Variants in HERC2 observed in about 807,000 individuals in gnomAD.
HERC2 encodes HECT and RLD domain containing E3 ubiquitin protein ligase 2.
HERC2 carries 102 observed loss-of-function variants against 537.7 expected under a neutral mutation model. The observed-to-expected ratio is 0.19, with a 90% CI of 0.16 to 0.22. The LOEUF (loss-of-function observed/expected upper bound fraction) is 0.22, where lower values mean the gene tolerates loss of function less well. HERC2 is among the 10% of genes least tolerant of loss of function. The pLI is 1.00. For synonymous variants in HERC2, 2,224 were observed against 2,466.2 expected, an observed-to-expected ratio of 0.90 and a Z score of 2.91; for missense variants, 4,236 against 6,198.2, an observed-to-expected ratio of 0.68 and a Z score of 10.63.
At chr15:28,244,851 C>A (rs568055098) in intron 23 of HERC2, among the ~76,000 whole-genome samples, 1 of 152,096 alleles carries the variant, frequency 6.6e-6, no homozygotes, top group African/African-American at 2.4e-5. Flanking sequence ...GTCTAAAACA[C>A]GAGAAGAAAA....
At chr15:28,136,140 T>A (rs1291194891) in intron 78 of HERC2, among the ~76,000 whole-genome samples, 2 of 152,006 alleles carry the variant, frequency 1.3e-5, no homozygotes, top group African/African-American at 2.4e-5. Flanking sequence ...TTTTTTTTTT[T>A]AATCTAAGTG....
At chr15:28,201,415 T>C (rs915513709) in intron 48 of HERC2, 41 bp downstream of exon 48, 7 of 1,289,588 alleles carry the variant, frequency 5.4e-6, no homozygotes, top group Admixed American at 1.7e-5. Context: ...ATTTGCTGAA[T>C]GAAAAACGGA....
intron 6 of HERC2, 87 bp downstream of exon 6, chr15:28,274,818 A>G: frequency 1.0e-6 from 1 of 1,002,894 alleles, no homozygotes; most frequent in Non-Finnish European, 1.6e-6. Flanking sequence ...GATCAGCCAA[A>G]GGGCACATGG....
chr15:28,180,651 T>C (rs1895736523), intron 57 of HERC2, among the ~76,000 whole-genome samples: 1 of 149,948 alleles, frequency 6.7e-6, no homozygotes, highest in African/African-American at 2.5e-5. Context: ...AGTTCCATAG[T>C]AGAAAGTGAA....
At chr15:28,159,979 G>C (rs1417792123) in intron 69 of HERC2, among the ~76,000 whole-genome samples, 4 of 152,218 alleles carry the variant, frequency 2.6e-5, no homozygotes, top group African/African-American at 4.8e-5. Flanking sequence ...AGGTCTGTTG[G>C]AGTTTGCTGG....
intron 48 of HERC2, among the ~76,000 whole-genome samples, chr15:28,200,554 T>C (rs1037035600): frequency 2.0e-5 from 3 of 152,188 alleles, no homozygotes; most frequent in African/African-American, 4.8e-5. Flanking sequence ...TACTGTGTTA[T>C]AGCCAACTGA....
chr15:28,279,891 A>G (rs1223615844), intron 5 of HERC2, 177 bp downstream of exon 5: 1 of 605,038 alleles, frequency 1.7e-6, no homozygotes, highest in East Asian at 2.8e-5. Context: ...CTATTACTAC[A>G]TGAGCAAATT....
At position 28,215,666 on chromosome 15, in the gene HERC2, G is replaced by A. The variant is rs201824814; in HGVS notation, c.6165C>T (p.Val2055=). ...CAGTGAAGGGTGCGTGCCCTTCCAC[G>A]ACCTTCATGAGCAGCGTGATCCACT... ...SPQWITLLMK[V]VEGHAPFTAT... Residue 2055 remains valine (V), a synonymous_variant, in exon 39 of 93, where the codon GTC becomes GTT. Coordinates refer to ENST00000261609, the MANE Select transcript of HERC2 (RefSeq NM_004667.6). 53 of 1,611,868 alleles carry A rather than the reference G, an allele frequency of 3.3e-5. No homozygotes were observed. Among genetic ancestry groups the A allele is most frequent in the South Asian group, 4.4e-5 (4 of 90,970 alleles).
At chr15:28,114,287 T>C (rs73379627) in intron 90 of HERC2, among the ~76,000 whole-genome samples, 11,574 of 152,014 alleles carry the variant, frequency 0.076, 1,523 homozygotes, top group African/African-American at 0.27. Context: ...CTGGAGGGGG[T>C]TGAGACAGCC....
At position 28,143,080 on chromosome 15, in the gene HERC2, C is replaced by T. The variant is rs979688112; in HGVS notation, c.11419-128G>A. On this transcript the variant is annotated intron_variant, in intron 74 of 92. Transcript: ENST00000261609. ...TTCTAAAAAAACTAAAAAAAAAAAGCTTATCAAAATTCTCAAGTAGGAAAA... is the reference window on the plus strand; with the variant it reads ...TTCTAAAAAAACTAAAAAAAAAAAGTTTATCAAAATTCTCAAGTAGGAAAA... 17 of 813,532 alleles carry T rather than the reference C, an allele frequency of 2.1e-5. No individual in the cohort carries two copies. In the African/African-American group the frequency reaches 2.7e-4, roughly 13 times the overall value. The allele number at this position is 813,532 out of a possible 1,614,324, so 50.4% of individuals were successfully genotyped here.
intron 30 of HERC2, 72 bp from the exon 31 acceptor site, chr15:28,230,572 G>A (rs1026952640): frequency 7.1e-5 from 75 of 1,055,964 alleles, no homozygotes; most frequent in African/African-American, 9.7e-5. Flanking sequence ...GAAATACTTA[G>A]ATTTACATGA....
Position 28,111,593 on chromosome 15 carries a change from C to A in HERC2, c.*170G>T. Reference sequence around the variant, plus strand: ...CAGTGTTCCACGCGCACAGGCGGACCTTCTCACTGTCATTCCCATCACGGC... The same window carrying A: ...CAGTGTTCCACGCGCACAGGCGGACATTCTCACTGTCATTCCCATCACGGC... On this transcript the variant is annotated 3_prime_UTR_variant, in exon 93 of 93. Coordinates refer to ENST00000261609, the MANE Select transcript of HERC2 (RefSeq NM_004667.6). 1.5e-6 allele frequency: 1 copy of A among 673,602 alleles called. No individual in the cohort carries two copies. The highest frequency in any genetic ancestry group is 1.8e-5 in the African/African-American group (1 of 55,330). The allele number at this position is 673,602 out of a possible 1,614,324, so 41.7% of individuals were successfully genotyped here.
chr15:28,246,340 A>G (rs1473378040), intron 22 of HERC2, among the ~76,000 whole-genome samples: 2 of 152,170 alleles, frequency 1.3e-5, no homozygotes, highest in South Asian at 2.1e-4. Flanking sequence ...GTTTATTGAT[A>G]TGTTTATCAT....
chr15:28,117,600 C>CCGGCA, intron 86 of HERC2: 1 of 460,646 alleles, frequency 2.2e-6, no homozygotes, highest in Non-Finnish European at 4.3e-6. Flanking sequence ...GAACAGACTC[C>CCGGCA]CGGCACTCAA....
Position 28,142,851 on chromosome 15 carries a change from C to T in HERC2, c.11520G>A (p.Gln3840=), listed in dbSNP as rs778670519. Residue 3840 remains glutamine (Q), a synonymous_variant, in exon 75 of 93, where the codon CAG becomes CAA. Transcript: ENST00000261609. ...CCTTAAAGAATGGGCTGTGGAGCAG[C>T]TGTTTGCCACCCCTCACAATAGGAT... ...YEDPIVRGGK[Q]LLHSPFFKVL... is the part of the protein sequence containing the mutation. 3.2e-6 allele frequency: 5 copies of T among 1,578,252 alleles called. No homozygotes were observed. In the East Asian group the frequency reaches 1.1e-4, roughly 35 times the overall value.
intron 90 of HERC2, 38 bp downstream of exon 90, chr15:28,114,574 T>A: frequency 6.3e-7 from 1 of 1,585,194 alleles, no homozygotes; most frequent in Non-Finnish European, 8.7e-7. Context: ...CTACTTTTGC[T>A]ATTTATGTCA....
At chr15:28,223,812 G>A (rs1900788263) in intron 35 of HERC2, among the ~76,000 whole-genome samples, 2 of 152,086 alleles carry the variant, frequency 1.3e-5, no homozygotes, top group African/African-American at 4.8e-5. Context: ...AGATATTCAT[G>A]AGACACAACT....
chr15:28,117,830 G>A (rs2142063771), intron 86 of HERC2: 1 of 335,498 alleles, frequency 3.0e-6, no homozygotes, highest in South Asian at 2.3e-5. Flanking sequence ...CACCAGGGCA[G>A]GAGCCCTAGG....
At chr15:28,231,372 T>C (rs1178277393) in intron 30 of HERC2, among the ~76,000 whole-genome samples, 1 of 152,092 alleles carries the variant, frequency 6.6e-6, no homozygotes, top group Admixed American at 6.5e-5. Flanking sequence ...CAGGACCTTG[T>C]GGCAGTGGTC....
Sources: gnomAD v4.1 joint callset for allele counts (sites outside exome capture counted in the v4.1 genomes callset) on GRCh38, gnomAD v4.1.1 for gene constraint, MANE v1.5 for transcripts, NCBI Gene and HGNC (gene_info 2026-07-23, HGNC 2026-07-21) for gene names.